MSRA: variants seen among roughly 807,000 people sequenced by gnomAD.
The protein encoded by MSRA is methionine sulfoxide reductase A, also known as mitochondrial peptide methionine sulfoxide reductase.
A neutral mutation model predicts 31.3 loss-of-function variants in MSRA; 54 were observed. The observed-to-expected ratio is 1.73, with a 90% CI of 1.39 to 2.17. MSRA has a LOEUF of 2.17. Among genes scored for constraint, MSRA ranks in the 30% most tolerant of loss-of-function variants. MSRA has a pLI of 0.00. For missense variants in MSRA, 507 were observed against 300.9 expected (o/e 1.69, Z -5.07); for synonymous variants, 169 against 116.5 (o/e 1.45, Z -2.90).
At chr8:10,167,749 A>T (rs1805263893) in intron 1 of MSRA, among the ~76,000 whole-genome samples, 1 of 152,098 alleles carries the variant, frequency 6.6e-6, no homozygotes, top group Non-Finnish European at 1.5e-5. Context: ...AAGCCTGGAG[A>T]GTTGGGTCCA....
At chr8:10,128,666 T>C (rs1408892236) in intron 1 of MSRA, among the ~76,000 whole-genome samples, 8 of 152,222 alleles carry the variant, frequency 5.3e-5, no homozygotes, top group Non-Finnish European at 8.8e-5. Context: ...CCATGTGATA[T>C]TCCAGATGTA....
At chr8:10,263,430 G>C (rs560054504) in intron 3 of MSRA, among the ~76,000 whole-genome samples, 1 of 152,312 alleles carries the variant, frequency 6.6e-6, no homozygotes, top group South Asian at 2.1e-4. Context: ...CATCATTCCA[G>C]GAAGGTATGT....
intron 1 of MSRA, among the ~76,000 whole-genome samples, chr8:10,188,806 A>G (rs1162806247): frequency 6.6e-6 from 1 of 152,236 alleles, no homozygotes; most frequent in Admixed American, 6.5e-5. Context: ...GAAATCAGGT[A>G]GTGGAAGTAT....
At chr8:10,081,760 G>T (rs1046919397) in intron 1 of MSRA, among the ~76,000 whole-genome samples, 1 of 152,172 alleles carries the variant, frequency 6.6e-6, no homozygotes, top group African/African-American at 2.4e-5. Flanking sequence ...AAAGTCCCGG[G>T]AGATGGGATT....
intron 1 of MSRA, among the ~76,000 whole-genome samples, chr8:10,137,101 G>C (rs1563138257): frequency 6.6e-6 from 1 of 152,208 alleles, no homozygotes; most frequent in Admixed American, 6.5e-5. Flanking sequence ...GTTGTGTTCT[G>C]AAGAGGGCAC....
At chr8:10,273,166 C>G (rs1307954111) in intron 3 of MSRA, among the ~76,000 whole-genome samples, 4 of 152,120 alleles carry the variant, frequency 2.6e-5, no homozygotes, top group African/African-American at 4.8e-5. Flanking sequence ...TTGTTTTAGT[C>G]TAAGTTATAG....
At position 10,343,054 on chromosome 8, in the gene MSRA, G is replaced by GACACAC. The variant is rs1202875145; in HGVS notation, c.543+23081_543+23086dup. On this transcript the variant is annotated intron_variant, in intron 5 of 5. Transcript: ENST00000317173. ...ACACACACACACACACACACACACA[G>GACACAC]ACACACACACACACACACACATTTT... Among the ~76,000 whole-genome samples the GACACAC allele has an allele frequency of 6.8e-4, 48 of 70,688 alleles. 2 individuals are homozygous for GACACAC. Among genetic ancestry groups the GACACAC allele is most frequent in the African/African-American group, 2.8e-3 (43 of 15,584 alleles). The allele number at this position is 70,688 out of a possible 152,430, so 46.4% of individuals were successfully genotyped here.
chr8:10,338,403 G>A (rs1357727523), intron 5 of MSRA, among the ~76,000 whole-genome samples: 1 of 152,198 alleles, frequency 6.6e-6, no homozygotes, highest in Non-Finnish European at 1.5e-5. Flanking sequence ...ATCCACAGGA[G>A]GAATAGGGTT....
intron 2 of MSRA, among the ~76,000 whole-genome samples, chr8:10,225,500 T>C (rs1008108836): frequency 3.3e-5 from 5 of 152,184 alleles, no homozygotes; most frequent in Non-Finnish European, 5.9e-5. Context: ...ACATTGTCGA[T>C]AGAAGTGGGA....
intron 5 of MSRA, among the ~76,000 whole-genome samples, chr8:10,343,788 A>C (rs994684153): frequency 2.0e-5 from 3 of 152,226 alleles, no homozygotes; most frequent in African/African-American, 7.2e-5. Flanking sequence ...AAAACCAAAA[A>C]ATAACAAAGG....
At chr8:10,154,478 T>C (rs1022230934) in intron 1 of MSRA, among the ~76,000 whole-genome samples, 17 of 152,118 alleles carry the variant, frequency 1.1e-4, no homozygotes, top group African/African-American at 3.1e-4. Flanking sequence ...TCCAGGTTCA[T>C]GCCATTCTCC....
rs958276341 is a variant in MSRA at position 10,207,980 on chromosome 8, T to C, written c.211+79T>C. The C allele has an allele frequency of 9.6e-6, 11 of 1,145,700 alleles. No homozygotes were observed. The African/African-American group carries it at 1.2e-4, about 13-fold the overall frequency. 71.0% of individuals were successfully genotyped at this position (1,145,700 alleles called of 1,614,324 possible). The stretch of plus-strand genomic sequence containing the variant: ...AATTTCTTAGTTTTAGCAAGTGTTC[T>C]CAGGGCTTCAAAATCTGGGCTCTTC... On this transcript the variant is annotated intron_variant, in intron 2 of 5. Transcript: ENST00000317173.
chr8:10,404,745 A>G (rs1186375891), intron 5 of MSRA, among the ~76,000 whole-genome samples: 1 of 152,196 alleles, frequency 6.6e-6, no homozygotes, highest in East Asian at 1.9e-4. Flanking sequence ...GGGCAGCCAG[A>G]GGGCTTATTC....
chr8:10,403,652 G>T (rs918845426), intron 5 of MSRA, among the ~76,000 whole-genome samples: 1 of 152,244 alleles, frequency 6.6e-6, no homozygotes. Context: ...GCCCACAGAG[G>T]CCTGGCTCAT....
rs150643606 is a variant in MSRA at position 10,199,344 on chromosome 8, G to A, written c.143-8489G>A. ...TGTTTGTTTGTTTGTTTTTTGAGAC[G>A]CATTCTCACTCTGTTGCCAGGCTGG... On this transcript the variant is annotated intron_variant, in intron 1 of 5. Coordinates refer to ENST00000317173, the MANE Select transcript of MSRA (RefSeq NM_012331.5). Among the ~76,000 whole-genome samples, 137 of 152,218 alleles carry A rather than the reference G, an allele frequency of 9.0e-4. No homozygotes were observed. The East Asian group carries it at 0.024, about 27-fold the overall frequency.
At chr8:10,282,613 C>T (rs555946810) in intron 3 of MSRA, among the ~76,000 whole-genome samples, 6 of 152,294 alleles carry the variant, frequency 3.9e-5, no homozygotes, top group South Asian at 2.1e-4. Context: ...CCATTACCTT[C>T]TCGTCTGTTC....
At chr8:10,140,097 G>A (rs1802584012) in intron 1 of MSRA, among the ~76,000 whole-genome samples, 2 of 152,226 alleles carry the variant, frequency 1.3e-5, no homozygotes, top group Admixed American at 1.3e-4. Context: ...GCTTAGGTTT[G>A]ATGAAGAGAG....
intron 1 of MSRA, among the ~76,000 whole-genome samples, chr8:10,197,344 G>T (rs1371383843): frequency 6.6e-6 from 1 of 152,186 alleles, no homozygotes; most frequent in Non-Finnish European, 1.5e-5. Context: ...TTCTAAAAAT[G>T]GAATTAATGA....
intron 3 of MSRA, among the ~76,000 whole-genome samples, chr8:10,296,854 C>G (rs1303599740): frequency 6.6e-6 from 1 of 152,206 alleles, no homozygotes. Flanking sequence ...GAGGCCAACC[C>G]TGACAATCTG....
Sources: gnomAD v4.1 joint callset for allele counts (sites outside exome capture counted in the v4.1 genomes callset) on GRCh38, gnomAD v4.1.1 for gene constraint, MANE v1.5 for transcripts, NCBI Gene and HGNC (gene_info 2026-07-23, HGNC 2026-07-21) for gene names.